KSR2: variants seen among roughly 807,000 people sequenced by gnomAD.
The protein encoded by KSR2 is kinase suppressor of ras 2.
Under a neutral mutation model 107.8 loss-of-function variants are expected in KSR2, and 25 were observed. The observed-to-expected ratio is 0.23, with a 90% confidence interval of 0.17 to 0.32. The LOEUF is 0.32. Among genes scored for constraint, KSR2 ranks in the 10% least tolerant of loss-of-function variants. The pLI is 1.00. For synonymous variants in KSR2, 480 were observed against 507.0 expected, an observed-to-expected ratio of 0.95 and a Z score of 0.71; for missense variants, 887 against 1,268.9, an observed-to-expected ratio of 0.70 and a Z score of 4.57.
intron 1 of KSR2, among the ~76,000 whole-genome samples, chr12:117,957,566 T>C (rs570583237): frequency 3.2e-4 from 49 of 152,210 alleles, no homozygotes; most frequent in Admixed American, 2.9e-3. Context: ...TTCCCAACAG[T>C]TGGGACCACA....
intron 4 of KSR2, among the ~76,000 whole-genome samples, chr12:117,706,110 C>T (rs980205546): frequency 3.5e-5 from 5 of 140,850 alleles, no homozygotes; most frequent in African/African-American, 1.3e-4. Flanking sequence ...GTGGTGCAAT[C>T]TCGGCTCACT....
At chr12:117,740,654 GTAATATATAA>G (rs1565990456) in intron 4 of KSR2, among the ~76,000 whole-genome samples, 1 of 138,330 alleles carries the variant, frequency 7.2e-6, no homozygotes, top group East Asian at 2.1e-4. Flanking sequence ...TATTATATAT[GTAATATATAA>G]TATATATAAT....
chr12:117,532,518 C>T (rs1267478995), intron 10 of KSR2, among the ~76,000 whole-genome samples: 2 of 152,188 alleles, frequency 1.3e-5, no homozygotes, highest in Non-Finnish European at 1.5e-5. Context: ...TTCCTACTGT[C>T]CTGTAAAGCA....
chr12:117,618,273 A>G (rs1047361202), intron 5 of KSR2, among the ~76,000 whole-genome samples: 1 of 151,964 alleles, frequency 6.6e-6, no homozygotes, highest in Non-Finnish European at 1.5e-5. Flanking sequence ...TTACTCTCAG[A>G]GTGTAGCCCC....
At chr12:117,731,230 C>A (rs1190533942) in intron 4 of KSR2, among the ~76,000 whole-genome samples, 1 of 144,870 alleles carries the variant, frequency 6.9e-6, no homozygotes, top group Non-Finnish European at 1.5e-5. Context: ...AGTGTCTCTG[C>A]CCAGCCGCCC....
At chr12:117,482,290 C>T (rs190806437) in intron 16 of KSR2, among the ~76,000 whole-genome samples, 1 of 152,202 alleles carries the variant, frequency 6.6e-6, no homozygotes, top group East Asian at 1.9e-4. Flanking sequence ...TCCAACTTCA[C>T]CCCCTCCCCG....
chr12:117,512,817 C>T (rs1054784687), intron 14 of KSR2, among the ~76,000 whole-genome samples: 23 of 152,168 alleles, frequency 1.5e-4, no homozygotes, highest in Admixed American at 7.9e-4. Flanking sequence ...TGGTCCCAAC[C>T]TGACATCATG....
intron 3 of KSR2, among the ~76,000 whole-genome samples, chr12:117,783,664 A>T (rs560972786): frequency 6.6e-6 from 1 of 152,352 alleles, no homozygotes; most frequent in African/African-American, 2.4e-5. Flanking sequence ...AAGCATGGCC[A>T]TTATGGCGGT....
intron 5 of KSR2, among the ~76,000 whole-genome samples, chr12:117,623,952 G>A (rs1400281344): frequency 6.6e-6 from 1 of 152,164 alleles, no homozygotes; most frequent in Non-Finnish European, 1.5e-5. Context: ...TCTCATTGTG[G>A]TTTTGATTTG....
At chr12:117,594,617 C>G (rs1593031025) in intron 5 of KSR2, among the ~76,000 whole-genome samples, 1 of 152,196 alleles carries the variant, frequency 6.6e-6, no homozygotes, top group African/African-American at 2.4e-5. Context: ...TGCAACAGGG[C>G]CATGGTTTAT....
chr12:117,684,479 G>A (rs576011495), intron 4 of KSR2, among the ~76,000 whole-genome samples: 11 of 152,308 alleles, frequency 7.2e-5, no homozygotes, highest in African/African-American at 2.6e-4. Flanking sequence ...GCAGGGAGGG[G>A]GTGGCACTCC....
intron 1 of KSR2, among the ~76,000 whole-genome samples, chr12:117,891,660 T>C (rs1894345526): frequency 6.6e-6 from 1 of 151,986 alleles, no homozygotes; most frequent in Non-Finnish European, 1.5e-5. Context: ...GAAGGAAGCA[T>C]GGGATGAAAA....
rs1486035627 is a variant in KSR2, at chr12:117,555,184, G to A, written c.1503C>T (p.Thr501=). 2 of 1,613,906 alleles carry A rather than the reference G, an allele frequency of 1.2e-6. No homozygotes were observed. Among genetic ancestry groups the A allele is most frequent in the Non-Finnish European group, 1.7e-6 (2 of 1,179,868 alleles). The change falls in exon 9 of 20, where the codon ACC becomes ACT. Residue 501 remains threonine, a synonymous_variant. Coordinates refer to ENST00000339824, the MANE Select transcript of KSR2 (RefSeq NM_173598.6). ...DLHISQTLPK[T]NKINKDHIPV... is the part of the protein sequence containing the mutation. Reference sequence around the variant, plus strand: ...CCAGCCTTACCTTGTTGATTTTGTTGGTTTTGGGGAGCGTCTGACTGATGT... The same window carrying A: ...CCAGCCTTACCTTGTTGATTTTGTTAGTTTTGGGGAGCGTCTGACTGATGT...
At chr12:117,796,577 G>C (rs1890636265) in intron 3 of KSR2, among the ~76,000 whole-genome samples, 1 of 152,160 alleles carries the variant, frequency 6.6e-6, no homozygotes, top group African/African-American at 2.4e-5. Context: ...CAGTCAAACA[G>C]GTCTAAGTTC....
intron 1 of KSR2, among the ~76,000 whole-genome samples, chr12:117,887,083 C>T (rs1293870752): frequency 2.6e-5 from 4 of 151,820 alleles, no homozygotes; most frequent in East Asian, 1.9e-4. Flanking sequence ...ATTGCCACAC[C>T]GGGCTAAATT....
At chr12:117,846,686 T>C (rs1017134417) in intron 3 of KSR2, among the ~76,000 whole-genome samples, 2 of 152,250 alleles carry the variant, frequency 1.3e-5, no homozygotes, top group Admixed American at 6.5e-5. Context: ...GATGGGGATG[T>C]TCTAGAACTG....
chr12:117,514,614 G>A (rs1874248379), intron 14 of KSR2, among the ~76,000 whole-genome samples: 1 of 147,496 alleles, frequency 6.8e-6, no homozygotes, highest in African/African-American at 2.5e-5. Flanking sequence ...GTATGATCAT[G>A]GCTTTCTCAC....
intron 4 of KSR2, among the ~76,000 whole-genome samples, chr12:117,680,961 G>T (rs1414613263): frequency 6.6e-6 from 1 of 152,132 alleles, no homozygotes; most frequent in Non-Finnish European, 1.5e-5. Context: ...TAGCAACGAG[G>T]AAATGCTACT....
chr12:117,909,238 A>G (rs998416732), intron 1 of KSR2, among the ~76,000 whole-genome samples: 1 of 152,172 alleles, frequency 6.6e-6, no homozygotes, highest in African/African-American at 2.4e-5. Context: ...GGGGCTCTTC[A>G]GCCTGACTAA....
Sources: gnomAD v4.1 joint callset for allele counts (sites outside exome capture counted in the v4.1 genomes callset) on GRCh38, gnomAD v4.1.1 for gene constraint, MANE v1.5 for transcripts, NCBI Gene and HGNC (gene_info 2026-07-23, HGNC 2026-07-21) for gene names.